Variants in CAPN8 observed in about 807,000 individuals in gnomAD.
CAPN8 encodes calpain 8, also known as calpain-8.
Under a neutral mutation model 80.9 loss-of-function variants are expected in CAPN8, and 87 were observed. The observed-to-expected ratio is 1.07, with a 90% CI of 0.90 to 1.28. CAPN8 has a LOEUF of 1.28. CAPN8 is among the 50% of genes most tolerant of loss of function. The probability of loss-of-function intolerance (pLI) is 0.00; values close to 1 mark genes in which losing one functional copy is unlikely to be tolerated. For synonymous variants in CAPN8, 299 were observed against 273.8 expected, an observed-to-expected ratio of 1.09 and a Z score of -0.91; for missense variants, 757 against 702.0, an observed-to-expected ratio of 1.08 and a Z score of -0.89.
At position 223,557,220 on chromosome 1, in the gene CAPN8, G is replaced by A. The variant is rs998006606; in HGVS notation, c.1572+911C>T. On this transcript the variant is annotated intron_variant, in intron 13 of 20. Coordinates refer to ENST00000366872, the MANE Select transcript of CAPN8 (RefSeq NM_001143962.2). ...CCATCTCATGCATCAGCAGAAACACGAGCTTGTAAATTTGACACATGTCAA... is the reference window on the plus strand; with the variant it reads ...CCATCTCATGCATCAGCAGAAACACAAGCTTGTAAATTTGACACATGTCAA... Among the ~76,000 whole-genome samples, 315 of 46,360 alleles carry A rather than the reference G, an allele frequency of 6.8e-3. 7 individuals carry two copies. The East Asian group carries it at 0.082, about 12-fold the overall frequency. The allele number at this position is 46,360 out of a possible 152,430, so 30.4% of individuals were successfully genotyped here.
At chr1:223,616,772 G>C (rs1186607279) in intron 9 of CAPN8, 1 of 152,526 alleles carries the variant, frequency 6.6e-6, no homozygotes, top group Non-Finnish European at 1.5e-5. Flanking sequence ...TCACAGGATG[G>C]CTTCAGTGTT....
chr1:223,662,293 C>T (rs753373369), intron 1 of CAPN8, among the ~76,000 whole-genome samples: 15 of 151,812 alleles, frequency 9.9e-5, no homozygotes, highest in South Asian at 2.1e-4. Context: ...ACTAAAAGTA[C>T]AAAAAATTAG....
At position 223,616,141 on chromosome 1, in the gene CAPN8, C is replaced by G. The variant is rs373894809; in HGVS notation, c.1140G>C (p.Thr380=). 6.5e-7 allele frequency: 1 copy of G among 1,546,494 alleles called. No individual in the cohort carries two copies. Among genetic ancestry groups the G allele is most frequent in the East Asian group, 2.5e-5 (1 of 40,772 alleles). Residue 380 remains threonine (T), a synonymous_variant, in exon 10 of 21, where the codon ACG becomes ACC. Transcript: ENST00000366872. ...TAGGCQNYPA[T]YWTNPQFKIR... is the part of the protein sequence containing the mutation. ...TTTTGAACTGGGGATTGGTCCAGTA[C>G]GTGGCTGGAAGTCACCCAGGTGATG... is the stretch of plus-strand genomic sequence containing the variant.
intron 1 of CAPN8, among the ~76,000 whole-genome samples, chr1:223,656,387 G>A (rs1010171844): frequency 1.3e-5 from 2 of 152,060 alleles, no homozygotes; most frequent in Non-Finnish European, 2.9e-5. Flanking sequence ...GAGAACCCAG[G>A]AGGCGGAGGT....
intron 16 of CAPN8, among the ~76,000 whole-genome samples, chr1:223,548,940 G>A (rs1385233633): frequency 1.3e-5 from 2 of 151,792 alleles, no homozygotes; most frequent in Non-Finnish European, 2.9e-5. Context: ...GAACGGTAGA[G>A]GGTGGGGGTG....
rs1381572657 is a variant in CAPN8 at position 223,665,478 on chromosome 1, C to T, written c.169G>A (p.Ala57Thr). The change falls in exon 1 of 21, where the codon GCT becomes ACT. Residue 57 changes from alanine to threonine, a missense_variant. By Grantham distance (58) the Ala-to-Thr change is moderately conservative (BLOSUM62 0). Transcript: ENST00000366872. ...KDPEFPACPS[A>T]LGYKDLGPGS... ...GGTCCAAGATCCTTGTAGCCCAAAG[C>T]TGATGGACATGCTGGGAACTCAGGG... The T allele has an allele frequency of 6.4e-7, 1 of 1,552,036 alleles. No homozygotes were observed. The highest frequency in any genetic ancestry group is 8.7e-7 in the Non-Finnish European group (1 of 1,147,074).
intron 4 of CAPN8, among the ~76,000 whole-genome samples, 164 bp downstream of exon 4, chr1:223,627,845 C>CT (rs1019139145): frequency 1.3e-5 from 2 of 152,170 alleles, no homozygotes; most frequent in African/African-American, 4.8e-5. Flanking sequence ...TTCTGTTTCT[C>CT]TTAGTTACTG....
chr1:223,630,300 CT>C (rs200151404), intron 2 of CAPN8, among the ~76,000 whole-genome samples: 3,053 of 53,128 alleles, frequency 0.057, 42 homozygotes, highest in Non-Finnish European at 0.1. Flanking sequence ...CGCTCACTCG[CT>C]CTCTCTCTCT....
chr1:223,611,424 G>T lies in CAPN8; in HGVS notation c.1323+822C>A, dbSNP rs567249385. Among the ~76,000 whole-genome samples the T allele has an allele frequency of 3.3e-4, 50 of 152,272 alleles. No homozygotes were observed. The South Asian group carries it at 9.1e-3, about 28-fold the overall frequency. On this transcript the variant is annotated intron_variant, in intron 11 of 20. Transcript: ENST00000366872. ...TAACATTCTTTTTCTAGAAATTTCT[G>T]CATAATCTGCCCCTTAATTTGCATA... is the stretch of plus-strand genomic sequence containing the variant.
In CAPN8 at chr1:223,619,473, G is replaced by C. The variant is rs1558343110; in HGVS notation, c.975-20C>G. 5 of 1,551,298 alleles carry C rather than the reference G, an allele frequency of 3.2e-6. No individual in the cohort carries two copies. The highest frequency in any genetic ancestry group is 2.4e-5 in the East Asian group (1 of 40,922). On this transcript the variant is annotated intron_variant, in intron 8 of 20. Coordinates refer to ENST00000366872, the MANE Select transcript of CAPN8 (RefSeq NM_001143962.2). ...GACATCCTGGGGCAGAGGCACCAGA[G>C]GGCTCTCAGTGAAGAGGGCTGGGTT...
rs549260362 is a variant in CAPN8, at chr1:223,619,152, C to T, written c.1135+141G>A. The T allele has an allele frequency of 1.2e-4, 113 of 966,322 alleles. 1 individual carries two copies. The African/African-American group carries it at 1.4e-3, about 12-fold the overall frequency. The allele number at this position is 966,322 out of a possible 1,614,324, so 59.9% of individuals were successfully genotyped here. On this transcript the variant is annotated intron_variant, in intron 9 of 20. Transcript: ENST00000366872. The stretch of plus-strand genomic sequence containing the variant: ...GAGGTTGTGATGAGCAGAGATCGTG[C>T]CACTACACTCCAACCTGGGGAACAG...
Position 223,543,152 on chromosome 1 carries a change from G to T in CAPN8, c.2044C>A (p.Leu682Met), listed in dbSNP as rs564633960. ...ACCATGCCATCCTTGTCTTCGTCCA[G>T]AAGGCTGAATAGTTCTAAAACACCA... ...LETLFKLFSL[L>M]DEDKDGMVQL... The change falls in exon 20 of 21, where the codon CTG (leucine) becomes ATG (methionine). Residue 682 changes from leucine to methionine, a missense_variant. Leu to Met is a conservative substitution (Grantham distance 15, BLOSUM62 2). Transcript: ENST00000366872. 11 of 1,551,672 alleles carry T rather than the reference G, an allele frequency of 7.1e-6. No homozygotes were observed. The African/African-American group carries it at 1.5e-4, about 21-fold the overall frequency.
chr1:223,549,764 T>G lies in CAPN8; in HGVS notation c.1700-382A>C, dbSNP rs985522682. 1.2e-4 allele frequency among the ~76,000 whole-genome samples: 18 copies of G among 152,228 alleles called. 1 individual carries two copies. The highest frequency in any genetic ancestry group is 1.2e-3 in the Admixed American group (18 of 15,286). ...TGGGTATTAACTGAGATAATGAAAG[T>G]GAAGTTTTAGCCCAGGCTTGATATA... On this transcript the variant is annotated intron_variant, in intron 15 of 20. Coordinates refer to ENST00000366872, the MANE Select transcript of CAPN8 (RefSeq NM_001143962.2).
chr1:223,659,916 T>C lies in CAPN8; in HGVS notation c.237+5494A>G, dbSNP rs148020770. 7.2e-5 allele frequency among the ~76,000 whole-genome samples: 11 copies of C among 152,320 alleles called. No individual in the cohort carries two copies. In the South Asian group the frequency reaches 1.2e-3, roughly 17 times the overall value. On this transcript the variant is annotated intron_variant, in intron 1 of 20. Coordinates refer to ENST00000366872, the MANE Select transcript of CAPN8 (RefSeq NM_001143962.2). ...TCATGCTCTTAACCACTCTGTGGCC[T>C]GCCAGCTGTCCACTTGTCCGTATGT...
intron 1 of CAPN8, among the ~76,000 whole-genome samples, chr1:223,659,213 T>C (rs1242830007): frequency 6.6e-6 from 1 of 152,218 alleles, no homozygotes; most frequent in African/African-American, 2.4e-5. Context: ...TCAGTGATGA[T>C]GGCTGTTTGG....
At position 223,628,126 on chromosome 1, in the gene CAPN8, T is replaced by G. The variant is rs1476388045; in HGVS notation, c.443A>C (p.Glu148Ala). 1 of 1,548,302 alleles carries G rather than the reference T, an allele frequency of 6.5e-7. No individual in the cohort carries two copies. Among genetic ancestry groups the G allele is most frequent in the East Asian group, 2.4e-5 (1 of 40,846 alleles). Residue 148 changes from glutamate (E) to alanine (A), a missense_variant, in exon 4 of 21, where the codon GAG becomes GCG. Transcript: ENST00000366872. ...GTCGTCAATGACCACCTCCACCCAC[T>G]CTCCGTACTGCCAGAACTGGGGAGG... ...IFHFQFWQYG[E>A]WVEVVIDDRL...
chr1:223,646,536 G>C (rs12059740), intron 2 of CAPN8, among the ~76,000 whole-genome samples: 33,292 of 152,200 alleles, frequency 0.22, 3,742 homozygotes, highest in South Asian at 0.27. Flanking sequence ...ATCCCCAAGA[G>C]AGCATGCATA....
At position 223,616,021 on chromosome 1, in the gene CAPN8, C is replaced by A; in HGVS notation, c.1260G>T (p.Trp420Cys). ...LLGLMQKNRR[W>C]RKRIGQGMLS... ...GCATGCCTTGTCCTATCCGCTTCCGCCACCTGCGATTTTTCTGCATCAGGC... is the reference window on the plus strand; with the variant it reads ...GCATGCCTTGTCCTATCCGCTTCCGACACCTGCGATTTTTCTGCATCAGGC... The change falls in exon 10 of 21, where the codon TGG becomes TGT. Residue 420 changes from tryptophan (W) to cysteine (C), a missense_variant. Transcript: ENST00000366872. 1 of 1,552,320 alleles carries A rather than the reference C, an allele frequency of 6.4e-7. No homozygotes were observed. The highest frequency in any genetic ancestry group is 8.7e-7 in the Non-Finnish European group (1 of 1,147,132).
At chr1:223,656,600 TC>T (rs1396326999) in intron 1 of CAPN8, among the ~76,000 whole-genome samples, 1 of 151,970 alleles carries the variant, frequency 6.6e-6, no homozygotes, top group Non-Finnish European at 1.5e-5. Flanking sequence ...TGGTAGCATT[TC>T]TTAAGTGTCC....
Sources: gnomAD v4.1 joint callset for allele counts (sites outside exome capture counted in the v4.1 genomes callset) on GRCh38, gnomAD v4.1.1 for gene constraint, MANE v1.5 for transcripts, NCBI Gene and HGNC (gene_info 2026-07-23, HGNC 2026-07-21) for gene names.